Variants in PACS2 observed in about 807,000 individuals in gnomAD.
PACS2 encodes the protein phosphofurin acidic cluster sorting protein 2.
In PACS2, 36 loss-of-function variants were observed where a neutral mutation model predicts 113.0. That is an observed-to-expected ratio of 0.32 (90% CI 0.24 to 0.42). The LOEUF (loss-of-function observed/expected upper bound fraction) is 0.42, where lower values mean the gene tolerates loss of function less well. Among genes scored for constraint, PACS2 ranks in the 10% least tolerant of loss-of-function variants. The pLI is 1.00. For synonymous variants in PACS2, 589 were observed against 536.1 expected, an observed-to-expected ratio of 1.10 and a Z score of -1.36; for missense variants, 1,015 against 1,239.5, an observed-to-expected ratio of 0.82 and a Z score of 2.72.
intron 8 of PACS2, 52 bp downstream of exon 8, chr14:105,369,952 G>A (rs1289725948): frequency 1.3e-6 from 2 of 1,503,868 alleles, no homozygotes; most frequent in Non-Finnish European, 9.0e-7. Flanking sequence ...AACAGCACCT[G>A]GTCGGGAGGA....
At chr14:105,382,436 G>C (rs782580941) in intron 13 of PACS2, 41 bp from the exon 14 acceptor site, 1 of 1,209,142 alleles carries the variant, frequency 8.3e-7, no homozygotes, top group Non-Finnish European at 1.2e-6. Context: ...GATGGGCGCT[G>C]TGCTTCTCTT....
chr14:105,309,593 C>G (rs1047411750), upstream of PACS2, among the ~76,000 whole-genome samples: 1 of 152,188 alleles, frequency 6.6e-6, no homozygotes, highest in Non-Finnish European at 1.5e-5. This position sits in a 1 kb window ranked among gnomAD's most constrained non-coding sequence, Gnocchi z 4.0. Flanking sequence ...TCTCCCAAGA[C>G]GCTGCCAAGC....
At chr14:105,381,808 C>T in intron 12 of PACS2, 106 bp from the exon 13 acceptor site, 1 of 1,064,860 alleles carries the variant, frequency 9.4e-7, no homozygotes, top group Admixed American at 2.5e-5. Flanking sequence ...GCTCACCCTT[C>T]CCTGTCCCCA....
chr14:105,384,473 G>A lies in PACS2; in HGVS notation c.1891+10G>A, dbSNP rs781942667. 1.1e-5 allele frequency: 17 copies of A among 1,577,314 alleles called. No individual in the cohort carries two copies. In the East Asian group the frequency reaches 1.1e-4, roughly 10 times the overall value. On this transcript the variant is annotated intron_variant, in intron 17 of 24. Coordinates refer to ENST00000447393, the MANE Select transcript of PACS2 (RefSeq NM_001100913.3). ...GAGGCCCAGAGTGCGGGTGAGGCCC[G>A]GGCGCGTCCACAGCCCACGCCACGG...
Position 105,365,527 on chromosome 14 carries a change from C to T in PACS2, c.424-1686C>T, listed in dbSNP as rs1410895422. 6.6e-6 allele frequency among the ~76,000 whole-genome samples: 1 copy of T among 152,196 alleles called. No homozygotes were observed. Among genetic ancestry groups the T allele is most frequent in the Non-Finnish European group, 1.5e-5 (1 of 68,026 alleles). On this transcript the variant is annotated intron_variant, in intron 4 of 24. Coordinates refer to ENST00000447393, the MANE Select transcript of PACS2 (RefSeq NM_001100913.3). The surrounding 1 kb of genome is among the most constrained non-coding windows in gnomAD (Gnocchi z 5.1). ...CAAAAGCATCTTTGATAAGAGGCCC[C>T]ATTCCTTCCTGCCCTCCCACCTGAA... is the stretch of plus-strand genomic sequence containing the variant.
At position 105,324,822 on chromosome 14, in the gene PACS2, G is replaced by C. The variant is rs1159699408; in HGVS notation, c.119+9785G>C. On this transcript the variant is annotated intron_variant, in intron 1 of 24. Coordinates refer to ENST00000447393, the MANE Select transcript of PACS2 (RefSeq NM_001100913.3). The surrounding 1 kb of genome is among the most constrained non-coding windows in gnomAD (Gnocchi z 4.7). ...CGGGACATTCATGGCCGTAGCCCCA[G>C]GTCCTCTGCATGGTCAGGGGCCATG... 6.6e-6 allele frequency among the ~76,000 whole-genome samples: 1 copy of C among 152,170 alleles called. No individual in the cohort carries two copies. The highest frequency in any genetic ancestry group is 1.5e-5 in the Non-Finnish European group (1 of 68,030).
rs782232270 is a variant in PACS2, at chr14:105,391,686, G to A, written c.2175G>A (p.Pro725=). 2.2e-5 allele frequency: 36 copies of A among 1,608,036 alleles called. No homozygotes were observed. Among genetic ancestry groups the A allele is most frequent in the African/African-American group, 1.2e-4 (9 of 74,936 alleles). ...SGSGTLSSTP[P]SASPAAKEAS... ...CTGGCACGCTCTCCTCCACCCCGCC[G>A]TCCGCATCTCCTGCGGCCAAGGAGG... The change falls in exon 22 of 25, where the codon CCG becomes CCA. Residue 725 remains proline (P), a synonymous_variant. Transcript: ENST00000447393.
At chr14:105,379,937 C>T (rs1595145114) in intron 10 of PACS2, 108 bp downstream of exon 10, 1 of 1,345,084 alleles carries the variant, frequency 7.4e-7, no homozygotes, top group Non-Finnish European at 1.0e-6. Flanking sequence ...TCCAGCTGTC[C>T]TGGAGCCACT....
chr14:105,335,039 G>A (rs1406836245), intron 1 of PACS2, among the ~76,000 whole-genome samples: 2 of 152,250 alleles, frequency 1.3e-5, no homozygotes, highest in Non-Finnish European at 2.9e-5. Context: ...GGGCCTTCGG[G>A]TGACTGAGAC....
Position 105,323,459 on chromosome 14 carries a change from G to A in PACS2, c.119+8422G>A, listed in dbSNP as rs918843543. Reference sequence around the variant, plus strand: ...CTGCCAGCCTGCACGAGACTCTCACGGCGGGACCCTGTCTGCCTTGCTCGG... The same window carrying A: ...CTGCCAGCCTGCACGAGACTCTCACAGCGGGACCCTGTCTGCCTTGCTCGG... On this transcript the variant is annotated intron_variant, in intron 1 of 24. Transcript: ENST00000447393. This position sits in a 1 kb window ranked among gnomAD's most constrained non-coding sequence, Gnocchi z 4.1. 3.3e-5 allele frequency among the ~76,000 whole-genome samples: 5 copies of A among 152,218 alleles called. No individual in the cohort carries two copies. The highest frequency in any genetic ancestry group is 5.9e-5 in the Non-Finnish European group (4 of 68,042).
At chr14:105,391,153 G>T in intron 20 of PACS2, 54 bp from the exon 21 acceptor site, 1 of 1,450,318 alleles carries the variant, frequency 6.9e-7, no homozygotes, top group Non-Finnish European at 9.7e-7. Context: ...CTGGGAGGGC[G>T]CTGGGCTAGC....
chr14:105,379,580 A>T (rs2080907149), intron 9 of PACS2, among the ~76,000 whole-genome samples, 159 bp from the exon 10 acceptor site: 1 of 152,150 alleles, frequency 6.6e-6, no homozygotes, highest in Admixed American at 6.5e-5. Context: ...AGCTGGTGCG[A>T]GCGGGGTGTG....
At chr14:105,327,563 C>T (rs2059165203) in intron 1 of PACS2, among the ~76,000 whole-genome samples, 1 of 152,174 alleles carries the variant, frequency 6.6e-6, no homozygotes, top group Admixed American at 6.5e-5. Context: ...GGAGCCTGTG[C>T]TGGGGGCAGG....
At chr14:105,381,526 C>G (rs1015526852) in intron 12 of PACS2, among the ~76,000 whole-genome samples, 2 of 152,260 alleles carry the variant, frequency 1.3e-5, no homozygotes, top group African/African-American at 4.8e-5. Flanking sequence ...TGCCTGTGTC[C>G]GCGCTTTGGA....
intron 11 of PACS2, among the ~76,000 whole-genome samples, chr14:105,380,440 A>C (rs1595147290): frequency 7.0e-5 from 5 of 71,220 alleles, no homozygotes; most frequent in East Asian, 3.5e-4. Context: ...GACTCCCCCC[A>C]CCCTCAGGGT....
chr14:105,301,099 G>C (rs1433160026), intron 1 of PACS2: 2 of 152,330 alleles, frequency 1.3e-5, no homozygotes, highest in Non-Finnish European at 1.5e-5. Context: ...GCTAAGGGTG[G>C]GGCCTCGCGG....
intron 1 of PACS2, among the ~76,000 whole-genome samples, chr14:105,326,092 C>T (rs987939546): frequency 6.6e-6 from 1 of 152,266 alleles, no homozygotes; most frequent in African/African-American, 2.4e-5. Context: ...GGACTTCCCT[C>T]TTTTTAGATG....
chr14:105,360,368 C>T (rs188456484), intron 4 of PACS2, among the ~76,000 whole-genome samples: 16 of 151,794 alleles, frequency 1.1e-4, no homozygotes, highest in African/African-American at 1.9e-4. Flanking sequence ...GGTGAAATGT[C>T]GTCTCTACTA....
intron 1 of PACS2, among the ~76,000 whole-genome samples, chr14:105,347,642 A>G (rs2059991698): frequency 1.3e-5 from 2 of 152,282 alleles, no homozygotes; most frequent in East Asian, 1.9e-4. Context: ...CCCTATCTGG[A>G]TGGTGGTGCC....
Sources: allele counts gnomAD v4.1 joint callset (sites outside exome capture counted in the v4.1 genomes callset), GRCh38; gene constraint gnomAD v4.1.1; non-coding constraint Gnocchi (gnomAD v3.1); transcripts MANE v1.5; gene names NCBI Gene and HGNC (gene_info 2026-07-23, HGNC 2026-07-21).